The following SMARCAD1 variants were observed in gnomAD, a reference collection of about 807,000 sequenced individuals.
The protein encoded by SMARCAD1 is SWI/SNF-related matrix-associated actin-dependent regulator of chromatin subfamily A containing DEAD/H box 1.
A neutral mutation model predicts 127.1 loss-of-function variants in SMARCAD1; 25 were observed. The observed-to-expected ratio is 0.20, with a 90% CI of 0.14 to 0.27. The LOEUF (loss-of-function observed/expected upper bound fraction) is 0.27, where lower values mean the gene tolerates loss of function less well. Among genes scored for constraint, SMARCAD1 ranks in the 10% least tolerant of loss-of-function variants. SMARCAD1 has a pLI of 1.00. For synonymous variants in SMARCAD1, 400 were observed against 396.9 expected (o/e 1.01, Z -0.09); for missense variants, 807 against 1,206.0 (o/e 0.67, Z 4.90).
chr4:94,276,702 A>G (rs989084116), intron 15 of SMARCAD1, among the ~76,000 whole-genome samples: 1 of 152,166 alleles, frequency 6.6e-6, no homozygotes, highest in Non-Finnish European at 1.5e-5. Context: ...AACCCTTTAA[A>G]AAATTATTAG....
chr4:94,246,365 C>T (rs60515854), intron 6 of SMARCAD1, among the ~76,000 whole-genome samples: 10 of 152,238 alleles, frequency 6.6e-5, no homozygotes, highest in East Asian at 3.9e-4. Context: ...GTGATCCACC[C>T]GCCTCAGCCT....
At chr4:94,241,567 C>T (rs1020480007) in intron 6 of SMARCAD1, among the ~76,000 whole-genome samples, 2 of 152,112 alleles carry the variant, frequency 1.3e-5, no homozygotes, top group Admixed American at 6.5e-5. Context: ...GGGGACACAA[C>T]CCATAATAGT....
intron 2 of SMARCAD1, among the ~76,000 whole-genome samples, chr4:94,216,533 A>C (rs1428575964): frequency 6.6e-6 from 1 of 152,202 alleles, no homozygotes; most frequent in East Asian, 1.9e-4. Flanking sequence ...AGTTCAATAC[A>C]TATACATTGT....
chr4:94,274,868 G>A, intron 13 of SMARCAD1, 22 bp from the exon 14 acceptor site: 3 of 1,590,242 alleles, frequency 1.9e-6, no homozygotes, highest in Non-Finnish European at 2.6e-6. Flanking sequence ...ATAGTCATGT[G>A]TTTATTGTTT....
At chr4:94,264,137 A>T (rs577617115) in intron 9 of SMARCAD1, among the ~76,000 whole-genome samples, 1 of 151,972 alleles carries the variant, frequency 6.6e-6, no homozygotes, top group South Asian at 2.1e-4. Context: ...TCTCCGTGTG[A>T]TAGTCTGTTT....
intron 2 of SMARCAD1, among the ~76,000 whole-genome samples, chr4:94,223,769 G>T (rs1434899943): frequency 3.0e-5 from 4 of 132,262 alleles, no homozygotes; most frequent in African/African-American, 1.2e-4. Context: ...TTAAAGTAGA[G>T]ACGAGGTTTC....
At chr4:94,222,177 C>G (rs1019848098) in intron 2 of SMARCAD1, among the ~76,000 whole-genome samples, 2 of 152,170 alleles carry the variant, frequency 1.3e-5, no homozygotes, top group Non-Finnish European at 2.9e-5. Flanking sequence ...ATTTCTGAAA[C>G]TACAATTTCT....
rs372863791 is a variant in SMARCAD1, at chr4:94,249,317, G to A, written c.706-337G>A. 2.4e-4 allele frequency among the ~76,000 whole-genome samples: 37 copies of A among 152,070 alleles called. 1 individual carries two copies. The highest frequency in any genetic ancestry group is 9.2e-4 in the Admixed American group (14 of 15,286). On this transcript the variant is annotated intron_variant, in intron 6 of 23. Coordinates refer to ENST00000354268, the MANE Select transcript of SMARCAD1 (RefSeq NM_020159.5). ...TATTTGTATCCTTTTAAAATTTACC[G>A]TTGTCTTGGAGAAGGCATCAGTATA...
At chr4:94,236,817 T>C in intron 4 of SMARCAD1, 135 bp from the exon 5 acceptor site, 1 of 725,408 alleles carries the variant, frequency 1.4e-6, no homozygotes, top group Non-Finnish European at 2.4e-6. Context: ...ATCATAGGAC[T>C]TAATGAACTT....
rs555493004 is a variant in SMARCAD1 at position 94,246,601 on chromosome 4, A to G, written c.706-3053A>G. Among the ~76,000 whole-genome samples the G allele has an allele frequency of 1.4e-4, 22 of 152,248 alleles. No individual in the cohort carries two copies. In the East Asian group the frequency reaches 4.1e-3, roughly 28 times the overall value. On this transcript the variant is annotated intron_variant, in intron 6 of 23. Coordinates refer to ENST00000354268, the MANE Select transcript of SMARCAD1 (RefSeq NM_020159.5). The stretch of plus-strand genomic sequence containing the variant: ...ACATGCTCCAGACTACACTCCCACG[A>G]AAGTGGTGGGCCTCAGAGTGAGGAT...
intron 10 of SMARCAD1, among the ~76,000 whole-genome samples, chr4:94,270,141 A>T (rs34396188): frequency 2.6e-5 from 4 of 151,224 alleles, no homozygotes; most frequent in Non-Finnish European, 5.9e-5. Context: ...AGTGAGTAGA[A>T]AGTAGCATGT....
Position 94,277,032 on chromosome 4 carries a change from G to A in SMARCAD1, c.1955G>A (p.Arg652His), listed in dbSNP as rs760981274. ...TACCTTCATTCACAGGCAAATAACC[G>A]TTTGCTGCTCACAGGCACACCTGTA... ...QHLMTINANN[R>H]LLLTGTPVQN... The change falls in exon 16 of 24, where the codon CGT becomes CAT. Residue 652 changes from arginine (R) to histidine (H), a missense_variant. Arg to His is a conservative substitution (Grantham distance 29). Coordinates refer to ENST00000354268, the MANE Select transcript of SMARCAD1 (RefSeq NM_020159.5). 2.5e-6 allele frequency: 4 copies of A among 1,613,840 alleles called. No individual in the cohort carries two copies. Among genetic ancestry groups the A allele is most frequent in the Admixed American group, 1.7e-5 (1 of 59,986 alleles).
chr4:94,249,770 A>G lies in SMARCAD1; in HGVS notation c.807+15A>G, dbSNP rs1318031982. On this transcript the variant is annotated intron_variant, in intron 7 of 23. Transcript: ENST00000354268. ...TTGATAAACAGGTGAGTAGTCGTGT[A>G]TGAAAATTTAATCAGTGTGTACTAA... 2 of 1,411,780 alleles carry G rather than the reference A, an allele frequency of 1.4e-6. No homozygotes were observed. The highest frequency in any genetic ancestry group is 2.0e-6 in the Non-Finnish European group (2 of 996,368). The allele number at this position is 1,411,780 out of a possible 1,614,324, so 87.5% of individuals were successfully genotyped here.
intron 5 of SMARCAD1, among the ~76,000 whole-genome samples, chr4:94,239,886 T>C (rs1169154215): frequency 6.6e-6 from 1 of 152,156 alleles, no homozygotes; most frequent in Non-Finnish European, 1.5e-5. Context: ...TTCTGTTCTT[T>C]TTAGGAAAGA....
In SMARCAD1 at chr4:94,249,730, A is replaced by C. The variant is rs1288887455; in HGVS notation, c.782A>C (p.Lys261Thr). ...KQESIVLKLQ[K>T]EFPNFDKQEL... ...GAAAGTATTGTACTGAAATTGCAAA[A>C]GGAATTTCCCAATTTTGATAAACAG... The change falls in exon 7 of 24, where the codon AAG (lysine) becomes ACG (threonine). Residue 261 changes from lysine (K) to threonine (T), a missense_variant. Coordinates refer to ENST00000354268, the MANE Select transcript of SMARCAD1 (RefSeq NM_020159.5). The C allele has an allele frequency of 6.2e-7, 1 of 1,605,308 alleles. No individual in the cohort carries two copies. Among genetic ancestry groups the C allele is most frequent in the East Asian group, 2.2e-5 (1 of 44,644 alleles).
intron 4 of SMARCAD1, 143 bp from the exon 5 acceptor site, chr4:94,236,809 C>A: frequency 2.9e-6 from 2 of 695,084 alleles, no homozygotes; most frequent in Admixed American, 2.3e-5. Flanking sequence ...GAAAATTTAT[C>A]ATAGGACTTA....
At chr4:94,283,538 A>G (rs546500898) in intron 22 of SMARCAD1, among the ~76,000 whole-genome samples, 4 of 152,104 alleles carry the variant, frequency 2.6e-5, no homozygotes, top group African/African-American at 9.7e-5. Context: ...AGTATTAACA[A>G]TTGACGGCCG....
rs1381265119 is a variant in SMARCAD1 at position 94,223,486 on chromosome 4, CTG to C, written c.191-2631_191-2630del. ...CTAGCCTGGGCGACAGAGCGAGACT[CTG>C]TCTCAAAAATAAATAAATAAATAAC... On this transcript the variant is annotated intron_variant, in intron 2 of 23. Coordinates refer to ENST00000354268, the MANE Select transcript of SMARCAD1 (RefSeq NM_020159.5). Among the ~76,000 whole-genome samples the C allele has an allele frequency of 2.0e-5, 3 of 151,984 alleles. No individual in the cohort carries two copies. In the East Asian group the frequency reaches 5.8e-4, roughly 29 times the overall value.
chr4:94,223,113 AC>A (rs1163032171), intron 2 of SMARCAD1, among the ~76,000 whole-genome samples: 1 of 151,838 alleles, frequency 6.6e-6, no homozygotes, highest in Admixed American at 6.6e-5. Flanking sequence ...AAATTTTTAG[AC>A]CCCCCTACAG....
Sources: gnomAD v4.1 joint callset for allele counts (sites outside exome capture counted in the v4.1 genomes callset) on GRCh38, gnomAD v4.1.1 for gene constraint, MANE v1.5 for transcripts, NCBI Gene and HGNC (gene_info 2026-07-23, HGNC 2026-07-21) for gene names.